ADARB2: variants seen among roughly 807,000 people sequenced by gnomAD.
ADARB2 encodes inactive double-stranded RNA-specific editase B2.
ADARB2 carries 25 observed loss-of-function variants against 62.2 expected under a neutral mutation model. The observed-to-expected ratio is 0.40, with a 90% CI of 0.29 to 0.56. The LOEUF is 0.56. Ranked by LOEUF, ADARB2 falls within the 20% of genes least tolerant of loss-of-function variation. The pLI is 0.43. For missense variants in ADARB2, 1,071 were observed against 1,077.4 expected (o/e 0.99, Z 0.08); for synonymous variants, 572 against 500.8 (o/e 1.14, Z -1.90).
rs890601661 is a variant in ADARB2 at position 1,737,465 on chromosome 10, G to A, written c.-315C>T. 1.6e-5 allele frequency: 6 copies of A among 365,576 alleles called. No homozygotes were observed. Among genetic ancestry groups the A allele is most frequent in the African/African-American group, 1.0e-4 (5 of 47,960 alleles). 22.6% of individuals were successfully genotyped at this position (365,576 alleles called of 1,614,324 possible). A position where few individuals can be genotyped will look rare whatever the true frequency, so the allele number is the denominator to read the frequency against. On this transcript the variant is annotated 5_prime_UTR_variant, in exon 1 of 10. Transcript: ENST00000381312. ...CCGCGGGCTCTGCCTCCTGCTCTGGGCTCCCAGCGCAGGGAGGCTACTTTT... is the reference window on the plus strand; with the variant it reads ...CCGCGGGCTCTGCCTCCTGCTCTGGACTCCCAGCGCAGGGAGGCTACTTTT...
chr10:1,360,341 G>A (rs1202013594), intron 3 of ADARB2, among the ~76,000 whole-genome samples: 1 of 152,190 alleles, frequency 6.6e-6, no homozygotes. Context: ...GTGCTAACAG[G>A]GCCGTCAGAC....
chr10:1,563,742 C>T (rs371615366), intron 1 of ADARB2, among the ~76,000 whole-genome samples: 3,608 of 148,414 alleles, frequency 0.024, 79 homozygotes, highest in Middle Eastern at 0.056. Flanking sequence ...AACTCGTCAT[C>T]TAGCATTAGG....
intron 6 of ADARB2, 134 bp downstream of exon 6, chr10:1,233,560 C>G (rs113934329): frequency 2.1e-6 from 2 of 947,500 alleles, no homozygotes; most frequent in Admixed American, 2.9e-5. Flanking sequence ...TAATTGTAGA[C>G]TCAATCCCCT....
chr10:1,375,889 A>G (rs566073102), intron 2 of ADARB2, among the ~76,000 whole-genome samples: 1 of 147,568 alleles, frequency 6.8e-6, no homozygotes, highest in South Asian at 2.1e-4. Context: ...GAACTCCCAC[A>G]CCACACACGT....
At chr10:1,556,199 T>A (rs967007390) in intron 1 of ADARB2, among the ~76,000 whole-genome samples, 1 of 151,842 alleles carries the variant, frequency 6.6e-6, no homozygotes, top group Non-Finnish European at 1.5e-5. Context: ...CTCCATGGCT[T>A]CCTTTCCTCT....
At chr10:1,526,643 A>G (rs79021834) in intron 1 of ADARB2, 2,635 of 245,894 alleles carry the variant, frequency 0.011, 59 homozygotes, top group African/African-American at 0.052. Flanking sequence ...GGGCCTCACC[A>G]GATGCAGATG....
intron 1 of ADARB2, among the ~76,000 whole-genome samples, chr10:1,617,159 A>C (rs1203530790): frequency 1.5e-5 from 2 of 137,650 alleles, no homozygotes; most frequent in Non-Finnish European, 1.5e-5. Context: ...GCATCCTGGG[A>C]ACTGGCCTCA....
intron 1 of ADARB2, among the ~76,000 whole-genome samples, chr10:1,621,517 G>C (rs7076514): frequency 0.11 from 16,001 of 151,888 alleles, 2,339 homozygotes; most frequent in African/African-American, 0.33. Flanking sequence ...CCAGGCTCGA[G>C]TGGTTCTCCT....
In ADARB2 at chr10:1,319,826, G is replaced by T. The variant is rs568850614; in HGVS notation, c.1077+43202C>A. On this transcript the variant is annotated intron_variant, in intron 3 of 9. Transcript: ENST00000381312. ...AATGATGTAGCTGAATGCCTGGCTAGTTAGAGAGTCGCCATGTTGTCTTTT... is the reference window on the plus strand; with the variant it reads ...AATGATGTAGCTGAATGCCTGGCTATTTAGAGAGTCGCCATGTTGTCTTTT... 7.2e-5 allele frequency among the ~76,000 whole-genome samples: 11 copies of T among 151,876 alleles called. 1 individual carries two copies. The South Asian group carries it at 2.3e-3, about 32-fold the overall frequency.
chr10:1,241,709 C>T (rs1589163055), intron 5 of ADARB2, among the ~76,000 whole-genome samples: 1 of 152,228 alleles, frequency 6.6e-6, no homozygotes, highest in African/African-American at 2.4e-5. Flanking sequence ...GGCCTCTTCA[C>T]ATGTACTTGG....
chr10:1,597,672 G>A (rs1833352694), intron 1 of ADARB2, among the ~76,000 whole-genome samples: 1 of 152,254 alleles, frequency 6.6e-6, no homozygotes, highest in East Asian at 1.9e-4. Flanking sequence ...TGCTCTTGGT[G>A]AGAATGTAAA....
intron 1 of ADARB2, among the ~76,000 whole-genome samples, chr10:1,586,095 T>C (rs892987237): frequency 6.6e-6 from 1 of 152,152 alleles, no homozygotes; most frequent in Non-Finnish European, 1.5e-5. Flanking sequence ...CTGACCACCT[T>C]GGGCACACGT....
At position 1,366,029 on chromosome 10, in the gene ADARB2, ATAT is replaced by A. The variant is rs140957514; in HGVS notation, c.188-2115_188-2113del. Among the ~76,000 whole-genome samples the A allele has an allele frequency of 3.9e-3, 588 of 152,288 alleles. 2 individuals are homozygous for A. The highest frequency in any genetic ancestry group is 6.7e-3 in the Non-Finnish European group (459 of 68,022). On this transcript the variant is annotated intron_variant, in intron 2 of 9. Transcript: ENST00000381312. ...CTTGCAAAGTAACCCATAGGATAGG[ATAT>A]TATTATAAGAACACCGACGTTCTAT... is the stretch of plus-strand genomic sequence containing the variant.
chr10:1,647,710 A>T (rs994918471), intron 1 of ADARB2, among the ~76,000 whole-genome samples: 2 of 151,790 alleles, frequency 1.3e-5, no homozygotes, highest in African/African-American at 2.4e-5. Context: ...ATATGTGTGT[A>T]TATGCATGTA....
chr10:1,232,327 C>T (rs1830811955), intron 6 of ADARB2, among the ~76,000 whole-genome samples: 1 of 151,970 alleles, frequency 6.6e-6, no homozygotes, highest in East Asian at 1.9e-4. Flanking sequence ...ATGTCGTATA[C>T]ATGTGTGTTG....
At chr10:1,328,612 G>GCGT (rs1831898945) in intron 3 of ADARB2, among the ~76,000 whole-genome samples, 1 of 152,072 alleles carries the variant, frequency 6.6e-6, no homozygotes, top group Non-Finnish European at 1.5e-5. Context: ...AGTGTTTACA[G>GCGT]AACAGAGGGG....
intron 1 of ADARB2, among the ~76,000 whole-genome samples, chr10:1,531,139 A>G (rs1039312323): frequency 1.7e-4 from 26 of 152,212 alleles, no homozygotes; most frequent in Admixed American, 1.4e-3. Flanking sequence ...TGGGCCACCC[A>G]TAGGTTCGCT....
At chr10:1,342,279 T>C (rs986436170) in intron 3 of ADARB2, among the ~76,000 whole-genome samples, 2 of 152,116 alleles carry the variant, frequency 1.3e-5, no homozygotes, top group African/African-American at 4.8e-5. Context: ...CCCCATGCCA[T>C]GGAGAAGGCT....
chr10:1,285,251 C>T (rs958241246), intron 3 of ADARB2, among the ~76,000 whole-genome samples: 7 of 152,100 alleles, frequency 4.6e-5, no homozygotes, highest in African/African-American at 1.7e-4. Flanking sequence ...GTGTCTTGCA[C>T]CAGTCTTTCA....
Sources: allele counts gnomAD v4.1 joint callset (sites outside exome capture counted in the v4.1 genomes callset), GRCh38; gene constraint gnomAD v4.1.1; transcripts MANE v1.5; gene names NCBI Gene and HGNC (gene_info 2026-07-23, HGNC 2026-07-21).